UNC5D: variants seen among roughly 807,000 people sequenced by gnomAD.
UNC5D encodes the protein unc-5 netrin receptor D, also known as netrin receptor UNC5D.
UNC5D carries 39 observed loss-of-function variants against 105.4 expected under a neutral mutation model. That is an observed-to-expected ratio of 0.37 (90% CI 0.29 to 0.48). The LOEUF (loss-of-function observed/expected upper bound fraction) is 0.48, where lower values mean the gene tolerates loss of function less well. Ranked by LOEUF, UNC5D falls within the 20% of genes least tolerant of loss-of-function variation. The pLI, the probability that UNC5D is intolerant of heterozygous loss-of-function variation, is 0.98. For missense variants in UNC5D, 991 were observed against 1,202.4 expected (o/e 0.82, Z 2.60); for synonymous variants, 452 against 450.4 (o/e 1.00, Z -0.04).
chr8:35,725,693 A>G (rs1828821308), intron 9 of UNC5D, among the ~76,000 whole-genome samples: 1 of 152,186 alleles, frequency 6.6e-6, no homozygotes, highest in Non-Finnish European at 1.5e-5. Flanking sequence ...TGTTATAAAC[A>G]GCACTACCTA....
At chr8:35,423,684 C>CA (rs1392073144) in intron 1 of UNC5D, among the ~76,000 whole-genome samples, 2 of 151,962 alleles carry the variant, frequency 1.3e-5, no homozygotes, top group African/African-American at 4.8e-5. Context: ...GGAGACAAAG[C>CA]AATTGGAAAC....
chr8:35,525,466 T>C, intron 1 of UNC5D: 1 of 1,612,322 alleles, frequency 6.2e-7, no homozygotes, highest in Admixed American at 1.7e-5. Flanking sequence ...TAGGCCTGGC[T>C]CAGCTTCTCC....
intron 1 of UNC5D, among the ~76,000 whole-genome samples, chr8:35,368,648 C>T (rs1802266212): frequency 6.6e-6 from 1 of 151,446 alleles, no homozygotes; most frequent in South Asian, 2.1e-4. Context: ...TTGTTATGGT[C>T]TGAATGTTGC....
At chr8:35,623,315 A>G (rs890760305) in intron 4 of UNC5D, among the ~76,000 whole-genome samples, 7 of 152,152 alleles carry the variant, frequency 4.6e-5, no homozygotes, top group Non-Finnish European at 7.3e-5. Context: ...TCTTTGGCTG[A>G]GTAAAATCTC....
At chr8:35,346,199 T>C (rs916160846) in intron 1 of UNC5D, among the ~76,000 whole-genome samples, 11 of 151,996 alleles carry the variant, frequency 7.2e-5, no homozygotes, top group African/African-American at 2.2e-4. Flanking sequence ...AACAGTAGGA[T>C]TGGACTGAGG....
chr8:35,407,205 G>A (rs1187637923), intron 1 of UNC5D, among the ~76,000 whole-genome samples: 1 of 152,090 alleles, frequency 6.6e-6, no homozygotes, highest in Non-Finnish European at 1.5e-5. Context: ...CAGCCTAGGT[G>A]TGAAGTAGAC....
At chr8:35,764,486 C>T (rs1197515209) in intron 14 of UNC5D, among the ~76,000 whole-genome samples, 1 of 152,020 alleles carries the variant, frequency 6.6e-6, no homozygotes, top group East Asian at 1.9e-4. Flanking sequence ...AAAAGAATCA[C>T]ATTAGATAAC....
chr8:35,313,614 A>G (rs1339633776), intron 1 of UNC5D, among the ~76,000 whole-genome samples: 1 of 152,212 alleles, frequency 6.6e-6, no homozygotes, highest in Non-Finnish European at 1.5e-5. Context: ...TTATCAAAGC[A>G]GTATTTCAGT....
At chr8:35,622,559 C>T (rs1821425686) in intron 4 of UNC5D, among the ~76,000 whole-genome samples, 1 of 152,042 alleles carries the variant, frequency 6.6e-6, no homozygotes, top group African/African-American at 2.4e-5. Flanking sequence ...GAATAAAATG[C>T]CCTTAAGGAT....
chr8:35,265,868 CATAATAATA>C (rs3991303), intron 1 of UNC5D, among the ~76,000 whole-genome samples: 7,148 of 142,366 alleles, frequency 0.05, 214 homozygotes, highest in Non-Finnish European at 0.073. Flanking sequence ...AGACTCGTCT[CATAATAATA>C]ATAATAATAA....
At chr8:35,299,212 A>T (rs1260554111) in intron 1 of UNC5D, among the ~76,000 whole-genome samples, 1 of 152,154 alleles carries the variant, frequency 6.6e-6, no homozygotes, top group Non-Finnish European at 1.5e-5. Context: ...ATATGTTATG[A>T]TGGGTGGGAG....
intron 3 of UNC5D, among the ~76,000 whole-genome samples, chr8:35,590,910 T>G (rs1389130401): frequency 6.6e-6 from 1 of 152,138 alleles, no homozygotes; most frequent in African/African-American, 2.4e-5. Context: ...GTTCATACCA[T>G]TGGTTATGCA....
chr8:35,485,786 G>A (rs1040190232), intron 1 of UNC5D, among the ~76,000 whole-genome samples: 14 of 152,116 alleles, frequency 9.2e-5, no homozygotes, highest in Non-Finnish European at 1.8e-4. Context: ...GGAGATGATT[G>A]GAACCTAAGA....
intron 1 of UNC5D, among the ~76,000 whole-genome samples, chr8:35,533,892 G>A (rs1000349829): frequency 3.9e-5 from 6 of 152,176 alleles, no homozygotes; most frequent in African/African-American, 1.4e-4. Context: ...GCAATGCCTC[G>A]CCATGCTTCG....
chr8:35,496,041 G>C (rs904419968), intron 1 of UNC5D, among the ~76,000 whole-genome samples: 1 of 152,146 alleles, frequency 6.6e-6, no homozygotes, highest in Non-Finnish European at 1.5e-5. Context: ...ACTGGAATTC[G>C]GTTTTAGAAC....
At chr8:35,281,420 TTC>T (rs1342155019) in intron 1 of UNC5D, among the ~76,000 whole-genome samples, 3 of 50,954 alleles carry the variant, frequency 5.9e-5, no homozygotes, top group Non-Finnish European at 1.4e-4. Flanking sequence ...TACTTTTTTT[TTC>T]TTTTTTTTTT....
intron 1 of UNC5D, among the ~76,000 whole-genome samples, chr8:35,454,020 C>T (rs961372239): frequency 1.3e-5 from 2 of 152,094 alleles, no homozygotes; most frequent in Non-Finnish European, 2.9e-5. Flanking sequence ...GACTTGTTTC[C>T]TTTTAATCGC....
chr8:35,772,542 A>G (rs547700048), intron 15 of UNC5D, among the ~76,000 whole-genome samples: 3 of 152,274 alleles, frequency 2.0e-5, no homozygotes, highest in Admixed American at 1.3e-4. Flanking sequence ...CAGGGAGGGA[A>G]GGAAGGGCAT....
Position 35,795,023 on chromosome 8 carries a change from G to A in UNC5D, c.*4460G>A, listed in dbSNP as rs1210262395. On this transcript the variant is annotated 3_prime_UTR_variant, in exon 17 of 17. Coordinates refer to ENST00000404895, the MANE Select transcript of UNC5D (RefSeq NM_080872.4). ...GCTGTGAAGATCATGGATTGGGAAT[G>A]TCCTCGTGAGGTGGACCTAAGGCAG... 3 of 152,150 alleles carry A rather than the reference G, an allele frequency of 2.0e-5. No homozygotes were observed. The highest frequency in any genetic ancestry group is 4.4e-5 in the Non-Finnish European group (3 of 68,034). 9.4% of individuals were successfully genotyped at this position (152,150 alleles called of 1,614,324 possible).
Sources: gnomAD v4.1 joint callset for allele counts (sites outside exome capture counted in the v4.1 genomes callset) on GRCh38, gnomAD v4.1.1 for gene constraint, MANE v1.5 for transcripts, NCBI Gene and HGNC (gene_info 2026-07-23, HGNC 2026-07-21) for gene names.